The following CNTN3 variants were observed in gnomAD, a reference collection of about 807,000 sequenced individuals.
The protein encoded by CNTN3 is contactin 3.
Under a neutral mutation model 119.1 loss-of-function variants are expected in CNTN3, and 60 were observed. The observed-to-expected ratio is 0.50, with a 90% CI of 0.41 to 0.62. The LOEUF (loss-of-function observed/expected upper bound fraction) is 0.62, where lower values mean the gene tolerates loss of function less well. CNTN3 is among the 20% of genes least tolerant of loss of function. The pLI, the probability that CNTN3 is intolerant of heterozygous loss-of-function variation, is 0.00. For synonymous variants in CNTN3, 450 were observed against 438.7 expected, an observed-to-expected ratio of 1.03 and a Z score of -0.32; for missense variants, 1,101 against 1,242.4, an observed-to-expected ratio of 0.89 and a Z score of 1.71.
At chr3:74,294,154 A>C (rs986357810) in intron 19 of CNTN3, among the ~76,000 whole-genome samples, 1 of 152,094 alleles carries the variant, frequency 6.6e-6, no homozygotes, top group African/African-American at 2.4e-5. Context: ...ATGCTTCCTC[A>C]GGGAAGCTTG....
chr3:74,514,921 T>C (rs1463962332), intron 2 of CNTN3, among the ~76,000 whole-genome samples: 1 of 152,062 alleles, frequency 6.6e-6, no homozygotes, highest in Non-Finnish European at 1.5e-5. Context: ...GCTCTGCCAG[T>C]TCTCAAATTA....
chr3:74,273,767 A>G (rs1031423430), intron 20 of CNTN3, among the ~76,000 whole-genome samples: 2 of 152,206 alleles, frequency 1.3e-5, no homozygotes, highest in Admixed American at 1.3e-4. Flanking sequence ...GGAAATCTCC[A>G]GCTGAACTTT....
rs80349733 is a variant in CNTN3 at position 74,535,101 on chromosome 3, A to G, written c.-80-13909T>C. Among the ~76,000 whole-genome samples the G allele has an allele frequency of 6.5e-3, 982 of 152,222 alleles. 11 individuals are homozygous for G. The highest frequency in any genetic ancestry group is 0.021 in the African/African-American group (868 of 41,550). On this transcript the variant is annotated intron_variant, in intron 1 of 22. Transcript: ENST00000263665. The stretch of plus-strand genomic sequence containing the variant: ...TAGGTCTCTAACTCATTTTGAAGAG[A>G]CAAACGCTGCTTACATCTTTTTGTT...
At chr3:74,314,869 C>A (rs1041004763) in intron 13 of CNTN3, among the ~76,000 whole-genome samples, 3 of 152,186 alleles carry the variant, frequency 2.0e-5, no homozygotes, top group African/African-American at 7.2e-5. Context: ...AGTGACTCCA[C>A]CTTGAGTCAC....
At chr3:74,351,230 A>G (rs1057028323) in intron 11 of CNTN3, among the ~76,000 whole-genome samples, 1 of 152,222 alleles carries the variant, frequency 6.6e-6, no homozygotes, top group Non-Finnish European at 1.5e-5. Context: ...ACTGAGTTTT[A>G]AAAAGGCGGG....
intron 1 of CNTN3, among the ~76,000 whole-genome samples, chr3:74,545,335 A>G (rs574748046): frequency 1.8e-4 from 28 of 152,296 alleles, no homozygotes; most frequent in Middle Eastern, 3.4e-3. Flanking sequence ...GAAGATATTT[A>G]TGCTGTGTGG....
At chr3:74,379,915 C>A (rs1006282126) in intron 5 of CNTN3, among the ~76,000 whole-genome samples, 1 of 152,142 alleles carries the variant, frequency 6.6e-6, no homozygotes, top group Non-Finnish European at 1.5e-5. Context: ...GCAGAGAATG[C>A]GACATAGTGA....
chr3:74,573,936 C>A lies in CNTN3; in HGVS notation c.-81+40455G>T, dbSNP rs1033281641. On this transcript the variant is annotated intron_variant, in intron 1 of 22. Coordinates refer to ENST00000263665, the MANE Select transcript of CNTN3 (RefSeq NM_020872.3). ...TAGAGTTACTATGTGACCAAGCAGT[C>A]CTACTCATATTCGTATACCCAAGAA... Among the ~76,000 whole-genome samples the A allele has an allele frequency of 3.9e-5, 6 of 152,044 alleles. No individual in the cohort carries two copies. In the South Asian group the frequency reaches 1.2e-3, roughly 31 times the overall value.
At chr3:74,519,891 A>AT (rs1372546695) in intron 2 of CNTN3, among the ~76,000 whole-genome samples, 1 of 151,688 alleles carries the variant, frequency 6.6e-6, no homozygotes, top group Admixed American at 6.6e-5. Context: ...AAAGTTAAAG[A>AT]TTTTAATCTG....
chr3:74,611,579 C>T (rs1575869017), intron 1 of CNTN3, among the ~76,000 whole-genome samples: 2 of 152,090 alleles, frequency 1.3e-5, no homozygotes, highest in East Asian at 1.9e-4. Context: ...ATCTGTCACC[C>T]CTCAATTTCA....
chr3:74,520,041 C>G (rs1443438160), intron 2 of CNTN3, among the ~76,000 whole-genome samples: 1 of 151,536 alleles, frequency 6.6e-6, no homozygotes, highest in Admixed American at 6.6e-5. Flanking sequence ...CTGACTACTC[C>G]ATTTGGCCTC....
At chr3:74,594,526 G>A (rs1200787270) in intron 1 of CNTN3, among the ~76,000 whole-genome samples, 2 of 150,962 alleles carry the variant, frequency 1.3e-5, no homozygotes, top group Admixed American at 6.6e-5. Context: ...TCCCATCTAT[G>A]AGTGAGAACA....
chr3:74,598,838 T>C (rs925724558), intron 1 of CNTN3, among the ~76,000 whole-genome samples: 3 of 151,836 alleles, frequency 2.0e-5, no homozygotes, highest in Non-Finnish European at 2.9e-5. Flanking sequence ...TGGGCACAGG[T>C]GACCAGCATT....
intron 11 of CNTN3, among the ~76,000 whole-genome samples, chr3:74,355,283 G>A (rs1231580902): frequency 6.6e-6 from 1 of 152,030 alleles, no homozygotes; most frequent in Admixed American, 6.6e-5. Flanking sequence ...AACAGGTCTT[G>A]TTGATATAAC....
At chr3:74,419,741 A>G (rs1701587468) in intron 5 of CNTN3, among the ~76,000 whole-genome samples, 1 of 152,204 alleles carries the variant, frequency 6.6e-6, no homozygotes. Flanking sequence ...TCTATCAGCC[A>G]TTGTTGAACA....
intron 1 of CNTN3, among the ~76,000 whole-genome samples, chr3:74,566,843 G>A (rs1307361339): frequency 2.6e-5 from 4 of 152,150 alleles, no homozygotes; most frequent in Admixed American, 2.0e-4. Flanking sequence ...AAAAGCTGTG[G>A]CATTCCATAC....
intron 4 of CNTN3, among the ~76,000 whole-genome samples, chr3:74,461,645 C>T (rs1231293987): frequency 6.6e-6 from 1 of 152,000 alleles, no homozygotes; most frequent in Non-Finnish European, 1.5e-5. Context: ...GTAAAATCTG[C>T]AATTTTATTT....
chr3:74,472,285 T>C (rs1252789128), intron 4 of CNTN3, among the ~76,000 whole-genome samples: 1 of 152,208 alleles, frequency 6.6e-6, no homozygotes, highest in Non-Finnish European at 1.5e-5. Flanking sequence ...GGAAACATTC[T>C]AGTTAATTTG....
At chr3:74,553,638 T>C (rs1014110245) in intron 1 of CNTN3, among the ~76,000 whole-genome samples, 3 of 152,218 alleles carry the variant, frequency 2.0e-5, no homozygotes. Context: ...CTAACTGGCG[T>C]GAGATGATAT....
Sources: gnomAD v4.1 joint callset for allele counts (sites outside exome capture counted in the v4.1 genomes callset) on GRCh38, gnomAD v4.1.1 for gene constraint, MANE v1.5 for transcripts, NCBI Gene and HGNC (gene_info 2026-07-23, HGNC 2026-07-21) for gene names.